TRIM24: variants seen among roughly 807,000 people sequenced by gnomAD.
TRIM24 encodes tripartite motif containing 24.
In TRIM24, 29 loss-of-function variants were observed where a neutral mutation model predicts 123.9. That is an observed-to-expected ratio of 0.23 (90% confidence interval 0.17 to 0.32). TRIM24 has a LOEUF of 0.32. Among genes scored for constraint, TRIM24 ranks in the 10% least tolerant of loss-of-function variants. The pLI is 1.00. For synonymous variants in TRIM24, 456 were observed against 461.1 expected, an observed-to-expected ratio of 0.99 and a Z score of 0.14; for missense variants, 932 against 1,295.3, an observed-to-expected ratio of 0.72 and a Z score of 4.31.
Position 138,583,906 on chromosome 7 carries a change from A to G in TRIM24, c.2850A>G (p.Lys950=). ...KNPMDLSTIK[K]RLQEDYSMYS... is the part of the protein sequence containing the mutation. ...CAATGGATTTGTCAACCATCAAGAA[A>G]AGACTACAAGAAGATTATTCCATGT... The change falls in exon 18 of 19, where the codon AAA becomes AAG. Residue 950 remains lysine, a synonymous_variant. Coordinates refer to ENST00000343526, the MANE Select transcript of TRIM24 (RefSeq NM_015905.3). The G allele has an allele frequency of 1.2e-6, 2 of 1,601,242 alleles. No individual in the cohort carries two copies. Among genetic ancestry groups the G allele is most frequent in the Non-Finnish European group, 1.7e-6 (2 of 1,174,948 alleles).
chr7:138,535,874 T>G (rs573796179), intron 6 of TRIM24, among the ~76,000 whole-genome samples: 2 of 152,210 alleles, frequency 1.3e-5, no homozygotes, highest in African/African-American at 4.8e-5. Context: ...AGATTTGGTC[T>G]TTTCACATAG....
At position 138,487,541 on chromosome 7, in the gene TRIM24, GT is replaced by G. The variant is rs1469440692; in HGVS notation, c.365-16744del. 2.0e-5 allele frequency among the ~76,000 whole-genome samples: 3 copies of G among 152,274 alleles called. No homozygotes were observed. The South Asian group carries it at 6.2e-4, about 32-fold the overall frequency. ...TCCACCAATACCTAGTTTATTGAGA[GT>G]TTTTAGCATGAAGGGCTGTTGAATT... On this transcript the variant is annotated intron_variant, in intron 1 of 18. Transcript: ENST00000343526.
chr7:138,539,954 C>T (rs1796970615), intron 7 of TRIM24, among the ~76,000 whole-genome samples: 1 of 152,038 alleles, frequency 6.6e-6, no homozygotes, highest in Non-Finnish European at 1.5e-5. Context: ...GCGTCCGCCA[C>T]CAGGCCTGGC....
intron 17 of TRIM24, among the ~76,000 whole-genome samples, chr7:138,583,069 A>C (rs892397335): frequency 2.6e-5 from 4 of 152,166 alleles, no homozygotes; most frequent in Admixed American, 2.0e-4. Context: ...AAATGCTGTG[A>C]GTTTGGCAGG....
chr7:138,508,692 T>TGTGCACGCGCGCGC (rs1422176564), intron 2 of TRIM24, among the ~76,000 whole-genome samples: 1 of 137,214 alleles, frequency 7.3e-6, no homozygotes, highest in Admixed American at 7.2e-5. Context: ...TGTGTGTGTG[T>TGTGCACGCGCGCGC]GCGCGCGCGT....
intron 1 of TRIM24, among the ~76,000 whole-genome samples, chr7:138,491,590 G>A (rs752984279): frequency 1.3e-5 from 2 of 152,090 alleles, no homozygotes; most frequent in Non-Finnish European, 2.9e-5. Context: ...ATCTTTTAGT[G>A]GATATTTAGG....
chr7:138,503,640 T>A (rs1796089197), intron 1 of TRIM24, among the ~76,000 whole-genome samples: 2 of 151,580 alleles, frequency 1.3e-5, no homozygotes, highest in African/African-American at 2.4e-5. Flanking sequence ...TTTTTTTTTT[T>A]AATACTTTAA....
chr7:138,537,375 G>GT lies in TRIM24; in HGVS notation c.997-1279dup, dbSNP rs1388530445. Among the ~76,000 whole-genome samples, 162 of 26,240 alleles carry GT rather than the reference G, an allele frequency of 6.2e-3. 2 individuals carry two copies. The highest frequency in any genetic ancestry group is 0.019 in the African/African-American group (137 of 7,370). The allele number at this position is 26,240 out of a possible 152,430, so 17.2% of individuals were successfully genotyped here. On this transcript the variant is annotated intron_variant, in intron 6 of 18. Transcript: ENST00000343526. ...TTGGAACCACTCCTCCGCCACCCCTGTTTGTTTTTTTTTTTTTTTTTTTTT... is the reference window on the plus strand; with the variant it reads ...TTGGAACCACTCCTCCGCCACCCCTGTTTTGTTTTTTTTTTTTTTTTTTTTT...
intron 1 of TRIM24, among the ~76,000 whole-genome samples, chr7:138,472,581 TA>T (rs1795295000): frequency 6.6e-6 from 1 of 152,124 alleles, no homozygotes; most frequent in African/African-American, 2.4e-5. Flanking sequence ...AGTTGACCAA[TA>T]AAATGTAGTG....
intron 1 of TRIM24, among the ~76,000 whole-genome samples, chr7:138,464,769 G>A (rs1206760554): frequency 6.6e-6 from 1 of 152,066 alleles, no homozygotes; most frequent in Non-Finnish European, 1.5e-5. Context: ...TCAAAAACTG[G>A]AGATTTTCAA....
At chr7:138,504,876 T>G (rs558561210) in intron 2 of TRIM24, among the ~76,000 whole-genome samples, 1 of 151,978 alleles carries the variant, frequency 6.6e-6, no homozygotes, top group East Asian at 1.9e-4. Flanking sequence ...TTCTCTCATC[T>G]CAGCCTCATG....
chr7:138,529,815 A>G (rs752347894), intron 6 of TRIM24, among the ~76,000 whole-genome samples: 1 of 152,218 alleles, frequency 6.6e-6, no homozygotes, highest in Non-Finnish European at 1.5e-5. Context: ...GTTTGACTTC[A>G]AATCATATAA....
intron 9 of TRIM24, among the ~76,000 whole-genome samples, chr7:138,560,928 C>G (rs932895019): frequency 6.6e-6 from 1 of 152,154 alleles, no homozygotes; most frequent in Non-Finnish European, 1.5e-5. Context: ...TCTAGTGTTC[C>G]TGCCTTTTGA....
rs751447606 is a variant in TRIM24, at chr7:138,570,875, A to G, written c.1750A>G (p.Thr584Ala). The change falls in exon 11 of 19, where the codon ACA becomes GCA. Residue 584 changes from threonine (T) to alanine (A), a missense_variant. By Grantham distance (58) the Thr-to-Ala change is moderately conservative. Around this residue, in one of 7 missense-constraint regions of TRIM24, gnomAD observed 527 missense variants for 691.3 expected, o/e 0.76. Coordinates refer to ENST00000343526, the MANE Select transcript of TRIM24 (RefSeq NM_015905.3). ...GQGTPSTTNS[T>A]SSTPSSPTIT... ...GGGAACCCCATCAACTACCAACAGC[A>G]CATCCTCTACTCCTTCCAGCCCCAC... 2.2e-5 allele frequency: 36 copies of G among 1,614,144 alleles called. 2 individuals carry two copies. The Middle Eastern group carries it at 4.3e-3, about 192-fold the overall frequency.
At chr7:138,577,717 T>A (rs1797791666) in intron 14 of TRIM24, 129 bp downstream of exon 14, 2 of 769,244 alleles carry the variant, frequency 2.6e-6, no homozygotes, top group African/African-American at 1.8e-5. Flanking sequence ...TGAGGGAATC[T>A]CTCAGTAAAT....
intron 10 of TRIM24, among the ~76,000 whole-genome samples, chr7:138,567,926 A>G (rs1272304401): frequency 6.6e-6 from 1 of 152,166 alleles, no homozygotes; most frequent in East Asian, 1.9e-4. Flanking sequence ...AGTATATTAA[A>G]TTTCCTAAGA....
chr7:138,475,568 C>CTA (rs1280153377), intron 1 of TRIM24, among the ~76,000 whole-genome samples: 1 of 152,112 alleles, frequency 6.6e-6, no homozygotes, highest in African/African-American at 2.4e-5. Context: ...CTCGCCCTGG[C>CTA]TATAGTGCAG....
intron 8 of TRIM24, among the ~76,000 whole-genome samples, chr7:138,553,413 CAT>C (rs908516802): frequency 2.0e-4 from 31 of 152,144 alleles, no homozygotes; most frequent in African/African-American, 7.5e-4. Flanking sequence ...TAAACATACA[CAT>C]ATACCTTCTT....
At chr7:138,550,329 G>C (rs972126549) in intron 7 of TRIM24, among the ~76,000 whole-genome samples, 1 of 151,820 alleles carries the variant, frequency 6.6e-6, no homozygotes, top group African/African-American at 2.4e-5. Flanking sequence ...GTGTGTGTGT[G>C]TGTGTGTGTG....
Sources: allele counts gnomAD v4.1 joint callset (sites outside exome capture counted in the v4.1 genomes callset), GRCh38; gene constraint gnomAD v4.1.1; regional missense constraint gnomAD v4.1.1; transcripts MANE v1.5; gene names NCBI Gene and HGNC (gene_info 2026-07-23, HGNC 2026-07-21).